Variants in ERBB4 observed in about 807,000 individuals in gnomAD.
The protein encoded by ERBB4 is erb-b2 receptor tyrosine kinase 4, also known as receptor tyrosine-protein kinase erbB-4.
A neutral mutation model predicts 158.0 loss-of-function variants in ERBB4; 42 were observed. That is an observed-to-expected ratio of 0.27 (90% CI 0.21 to 0.34). The LOEUF (loss-of-function observed/expected upper bound fraction) is 0.34. Among genes scored for constraint, ERBB4 ranks in the 10% least tolerant of loss-of-function variants. The pLI is 1.00. For synonymous variants in ERBB4, 583 were observed against 558.7 expected (o/e 1.04, Z -0.61); for missense variants, 1,333 against 1,624.1 (o/e 0.82, Z 3.08).
At chr2:211,875,050 ACAAACTC>A (rs2078461790) in intron 3 of ERBB4, among the ~76,000 whole-genome samples, 56 of 75,848 alleles carry the variant, frequency 7.4e-4, no homozygotes, top group African/African-American at 2.3e-3. Context: ...AAAAAAAAAA[ACAAACTC>A]AAATAAAATG....
intron 7 of ERBB4, among the ~76,000 whole-genome samples, chr2:211,716,144 C>A (rs1001770681): frequency 6.6e-6 from 1 of 151,122 alleles, no homozygotes; most frequent in Non-Finnish European, 1.5e-5. Flanking sequence ...GGGTGGATCA[C>A]CTGAGGTAGG....
intron 5 of ERBB4, among the ~76,000 whole-genome samples, chr2:211,727,260 G>A (rs2074297638): frequency 6.6e-6 from 1 of 152,010 alleles, no homozygotes; most frequent in African/African-American, 2.4e-5. Context: ...TAAATATACA[G>A]GTATAAAGTG....
chr2:211,590,200 G>A (rs538140554), intron 19 of ERBB4, among the ~76,000 whole-genome samples: 4 of 152,244 alleles, frequency 2.6e-5, no homozygotes, highest in South Asian at 2.1e-4. Flanking sequence ...CGACTCCATC[G>A]TGCCTCTAAC....
At chr2:211,996,326 T>C (rs2082199287) in intron 2 of ERBB4, among the ~76,000 whole-genome samples, 1 of 152,126 alleles carries the variant, frequency 6.6e-6, no homozygotes. Context: ...TGTTTTATTA[T>C]TCATTAGTCT....
At chr2:212,366,860 G>T (rs957591062) in intron 1 of ERBB4, among the ~76,000 whole-genome samples, 1 of 151,884 alleles carries the variant, frequency 6.6e-6, no homozygotes, top group African/African-American at 2.4e-5. Context: ...AATAAACAAT[G>T]ATTACTATAG....
At chr2:212,217,469 C>A (rs2083137150) in intron 1 of ERBB4, among the ~76,000 whole-genome samples, 1 of 151,110 alleles carries the variant, frequency 6.6e-6, no homozygotes, top group South Asian at 2.1e-4. Context: ...TCTTCCAAAA[C>A]AAAAGGGCAG....
chr2:211,885,539 T>G (rs915852060), intron 3 of ERBB4, among the ~76,000 whole-genome samples: 1 of 151,884 alleles, frequency 6.6e-6, no homozygotes, highest in Admixed American at 6.6e-5. Context: ...CACTGCAACC[T>G]CAATCTCCTG....
At chr2:211,590,805 T>C (rs370159754) in intron 19 of ERBB4, among the ~76,000 whole-genome samples, 11 of 152,314 alleles carry the variant, frequency 7.2e-5, no homozygotes, top group Non-Finnish European at 1.3e-4. Flanking sequence ...GGCGAACCCA[T>C]TGGGTGCTTA....
At chr2:212,424,413 A>G (rs1031843683) in intron 1 of ERBB4, among the ~76,000 whole-genome samples, 3 of 152,102 alleles carry the variant, frequency 2.0e-5, no homozygotes, top group African/African-American at 7.2e-5. Context: ...CCCCATGCAC[A>G]TATATCCACA....
chr2:211,749,557 A>G (rs1489303911), intron 5 of ERBB4, among the ~76,000 whole-genome samples: 3 of 152,202 alleles, frequency 2.0e-5, no homozygotes, highest in Non-Finnish European at 4.4e-5. Context: ...CCATTTCATG[A>G]ATTTTGGATA....
At chr2:212,133,513 G>A (rs1411279090) in intron 1 of ERBB4, among the ~76,000 whole-genome samples, 1 of 150,600 alleles carries the variant, frequency 6.6e-6, no homozygotes, top group Non-Finnish European at 1.5e-5. Flanking sequence ...AGCCTCATAA[G>A]AGAGGCCTTT....
intron 16 of ERBB4, among the ~76,000 whole-genome samples, chr2:211,638,312 G>A (rs2070438067): frequency 6.6e-6 from 1 of 151,974 alleles, no homozygotes; most frequent in Non-Finnish European, 1.5e-5. Flanking sequence ...TGAAACACCA[G>A]GAAACATTGA....
In ERBB4 at chr2:212,226,265, C is replaced by G. The variant is rs546707607; in HGVS notation, c.83-101362G>C. Among the ~76,000 whole-genome samples, 22 of 152,234 alleles carry G rather than the reference C, an allele frequency of 1.4e-4. No homozygotes were observed. In the South Asian group the frequency reaches 4.3e-3, roughly 30 times the overall value. ...AAGCTGAATTCTTCCAACAACCTAA[C>G]TGAGCTTAGAAGAGGACATCAGTCA... On this transcript the variant is annotated intron_variant, in intron 1 of 27. Coordinates refer to ENST00000342788, the MANE Select transcript of ERBB4 (RefSeq NM_005235.3).
chr2:211,864,793 C>G (rs2078161280), intron 3 of ERBB4, among the ~76,000 whole-genome samples: 2 of 152,028 alleles, frequency 1.3e-5, no homozygotes, highest in Non-Finnish European at 2.9e-5. Flanking sequence ...TGGTAAAACC[C>G]CGTCGCTACT....
At chr2:212,079,674 A>G (rs1426834590) in intron 2 of ERBB4, among the ~76,000 whole-genome samples, 1 of 152,120 alleles carries the variant, frequency 6.6e-6, no homozygotes, top group African/African-American at 2.4e-5. Flanking sequence ...GCTTCCAGTT[A>G]GGCATAGATG....
intron 1 of ERBB4, among the ~76,000 whole-genome samples, chr2:212,313,028 T>C (rs573919025): frequency 6.6e-6 from 1 of 151,016 alleles, no homozygotes; most frequent in East Asian, 2.0e-4. Context: ...GGAAATATTT[T>C]GGCAAGTTTC....
At chr2:211,561,386 A>G (rs528540710) in intron 20 of ERBB4, among the ~76,000 whole-genome samples, 2 of 152,194 alleles carry the variant, frequency 1.3e-5, no homozygotes, top group Non-Finnish European at 2.9e-5. Context: ...CTGCCCTTAT[A>G]TATGTGACAT....
intron 20 of ERBB4, among the ~76,000 whole-genome samples, chr2:211,523,329 C>G (rs60427001): frequency 0.034 from 5,136 of 149,718 alleles, 287 homozygotes; most frequent in African/African-American, 0.12. Context: ...AATCTATGTG[C>G]TTGGGAAAGG....
chr2:212,037,171 GT>G (rs1408672367), intron 2 of ERBB4, among the ~76,000 whole-genome samples: 4 of 151,852 alleles, frequency 2.6e-5, no homozygotes, highest in African/African-American at 9.7e-5. Flanking sequence ...TTGTTTTTGG[GT>G]TTTGTCTGTT....
Sources: gnomAD v4.1 joint callset for allele counts (sites outside exome capture counted in the v4.1 genomes callset) on GRCh38, gnomAD v4.1.1 for gene constraint, MANE v1.5 for transcripts, NCBI Gene and HGNC (gene_info 2026-07-23, HGNC 2026-07-21) for gene names.